The following NCAM2 variants were observed in gnomAD, a reference collection of about 807,000 sequenced individuals.
NCAM2 encodes the protein neural cell adhesion molecule 2.
A neutral mutation model predicts 98.1 loss-of-function variants in NCAM2; 30 were observed. The observed-to-expected ratio is 0.31, with a 90% CI of 0.23 to 0.41. The LOEUF is 0.41. Ranked by LOEUF, NCAM2 falls within the 10% of genes least tolerant of loss-of-function variation. The pLI, the probability that NCAM2 is intolerant of heterozygous loss-of-function variation, is 1.00. For synonymous variants in NCAM2, 368 were observed against 342.4 expected, an observed-to-expected ratio of 1.07 and a Z score of -0.83; for missense variants, 867 against 1,005.8, an observed-to-expected ratio of 0.86 and a Z score of 1.87.
At chr21:21,271,136 A>C (rs182876763) in intron 1 of NCAM2, among the ~76,000 whole-genome samples, 2 of 152,324 alleles carry the variant, frequency 1.3e-5, no homozygotes, top group Admixed American at 6.5e-5. Flanking sequence ...AGAATGAAAT[A>C]AATTTAAAAT....
chr21:21,379,176 G>A (rs2076096107), intron 9 of NCAM2, among the ~76,000 whole-genome samples: 3 of 151,932 alleles, frequency 2.0e-5, no homozygotes, highest in South Asian at 4.1e-4. Flanking sequence ...CTAGCTAAGA[G>A]TTTGACAAAG....
At chr21:21,332,840 A>C (rs1181912140) in intron 6 of NCAM2, among the ~76,000 whole-genome samples, 1 of 152,206 alleles carries the variant, frequency 6.6e-6, no homozygotes, top group African/African-American at 2.4e-5. Context: ...ATATGCAACC[A>C]GTTGGCTAAT....
At chr21:21,280,867 C>T (rs931914925) in intron 2 of NCAM2, among the ~76,000 whole-genome samples, 6 of 149,944 alleles carry the variant, frequency 4.0e-5, no homozygotes, top group Non-Finnish European at 7.4e-5. Flanking sequence ...CTGCAATCTC[C>T]CCCTCCTGGG....
intron 1 of NCAM2, among the ~76,000 whole-genome samples, chr21:21,170,483 C>CT (rs1358108598): frequency 2.6e-5 from 4 of 152,282 alleles, no homozygotes; most frequent in East Asian, 1.9e-4. Context: ...AGACTACCTA[C>CT]ATATGATTCC....
chr21:21,211,840 G>A (rs2069671022), intron 1 of NCAM2, among the ~76,000 whole-genome samples: 1 of 152,156 alleles, frequency 6.6e-6, no homozygotes, highest in Non-Finnish European at 1.5e-5. Context: ...GGCCTGGCTT[G>A]ACTATACGCT....
intron 1 of NCAM2, among the ~76,000 whole-genome samples, chr21:21,126,316 T>C (rs55748460): frequency 0.016 from 2,387 of 150,224 alleles, 69 homozygotes; most frequent in African/African-American, 0.056. Flanking sequence ...TTTAAATTAG[T>C]ATGGTCCACT....
intron 5 of NCAM2, among the ~76,000 whole-genome samples, chr21:21,319,371 A>C (rs1372199662): frequency 6.6e-6 from 1 of 152,222 alleles, no homozygotes; most frequent in Non-Finnish European, 1.5e-5. Flanking sequence ...AGGCCAGTGC[A>C]GTGGCTCACG....
chr21:21,462,377 T>G (rs574017027), intron 12 of NCAM2, among the ~76,000 whole-genome samples: 1 of 152,198 alleles, frequency 6.6e-6, no homozygotes, highest in Admixed American at 6.6e-5. Context: ...TTTGCTGAGC[T>G]TAATTAGTTA....
chr21:21,005,152 C>T (rs1024515492), intron 1 of NCAM2, among the ~76,000 whole-genome samples: 12 of 152,096 alleles, frequency 7.9e-5, no homozygotes, highest in Non-Finnish European at 1.5e-5. Context: ...TGGTTTGACT[C>T]TAGTGTAAAT....
chr21:21,040,825 T>C (rs866361579), intron 1 of NCAM2, among the ~76,000 whole-genome samples: 1 of 152,058 alleles, frequency 6.6e-6, no homozygotes, highest in Non-Finnish European at 1.5e-5. Context: ...AAATTACAGC[T>C]AGTTAGGAAG....
chr21:21,075,521 G>A (rs1186665789), intron 1 of NCAM2, among the ~76,000 whole-genome samples: 1 of 152,090 alleles, frequency 6.6e-6, no homozygotes, highest in Non-Finnish European at 1.5e-5. Flanking sequence ...GAGGACAGAT[G>A]TATTTGCCGT....
intron 1 of NCAM2, among the ~76,000 whole-genome samples, chr21:21,197,029 G>T (rs898533564): frequency 2.6e-5 from 4 of 152,154 alleles, no homozygotes; most frequent in African/African-American, 7.2e-5. Flanking sequence ...GTGAGTAAAA[G>T]CTCGCTGAGA....
At chr21:21,421,151 T>C (rs1834110720) in intron 11 of NCAM2, among the ~76,000 whole-genome samples, 2 of 151,986 alleles carry the variant, frequency 1.3e-5, no homozygotes, top group African/African-American at 4.8e-5. Context: ...GGTGTATTAA[T>C]ATTTGGTATT....
intron 1 of NCAM2, chr21:21,239,243 A>G (rs2070967712): frequency 6.6e-6 from 1 of 152,216 alleles, no homozygotes; most frequent in Non-Finnish European, 1.5e-5. Context: ...TTAAAAATAT[A>G]TATAAAATGT....
intron 1 of NCAM2, among the ~76,000 whole-genome samples, chr21:21,120,307 A>G (rs2066644999): frequency 6.6e-6 from 1 of 152,210 alleles, no homozygotes; most frequent in Non-Finnish European, 1.5e-5. Flanking sequence ...TTGAAAAACA[A>G]GATGATTCCA....
At chr21:21,516,964 G>A (rs1988748756) in intron 16 of NCAM2, among the ~76,000 whole-genome samples, 1 of 152,000 alleles carries the variant, frequency 6.6e-6, no homozygotes, top group Non-Finnish European at 1.5e-5. Context: ...CTCTACATGT[G>A]TGAATACCAA....
intron 9 of NCAM2, 25 bp from the exon 10 acceptor site, chr21:21,410,249 A>G (rs1171166807): frequency 1.6e-6 from 2 of 1,254,630 alleles, no homozygotes; most frequent in Non-Finnish European, 2.1e-6. Context: ...AATGCCTATA[A>G]TTATTTTATT....
chr21:21,370,156 C>T (rs2075883206), intron 8 of NCAM2, among the ~76,000 whole-genome samples: 1 of 151,892 alleles, frequency 6.6e-6, no homozygotes, highest in East Asian at 1.9e-4. Context: ...GCATAAATAC[C>T]TACGAGAAAC....
intron 1 of NCAM2, among the ~76,000 whole-genome samples, chr21:21,116,971 AC>A (rs1301890415): frequency 2.0e-5 from 3 of 152,206 alleles, no homozygotes; most frequent in Non-Finnish European, 4.4e-5. Context: ...GGGGAAAAAA[AC>A]AATGTCACCA....
Sources: gnomAD v4.1 joint callset for allele counts (sites outside exome capture counted in the v4.1 genomes callset) on GRCh38, gnomAD v4.1.1 for gene constraint, MANE v1.5 for transcripts, NCBI Gene and HGNC (gene_info 2026-07-23, HGNC 2026-07-21) for gene names.